NEDD4: variants seen among roughly 807,000 people sequenced by gnomAD.
NEDD4 encodes the protein E3 ubiquitin-protein ligase NEDD4.
NEDD4 carries 99 observed loss-of-function variants against 144.9 expected under a neutral mutation model. The ratio of observed to expected loss-of-function variants is 0.68; its 90% CI spans 0.58 to 0.81. The LOEUF (loss-of-function observed/expected upper bound fraction) is 0.81. NEDD4 is among the 30% of genes least tolerant of loss of function. NEDD4 has a pLI of 0.00. For synonymous variants in NEDD4, 318 were observed against 350.6 expected (o/e 0.91, Z 1.04); for missense variants, 985 against 1,065.9 (o/e 0.92, Z 1.06).
intron 1 of NEDD4, among the ~76,000 whole-genome samples, chr15:55,983,767 T>C (rs1566978405): frequency 2.6e-5 from 4 of 151,962 alleles, no homozygotes; most frequent in African/African-American, 7.3e-5. Context: ...TATGCTACCA[T>C]GCCTGGCTAA....
intron 5 of NEDD4, among the ~76,000 whole-genome samples, chr15:55,881,241 C>T (rs1444077413): frequency 2.0e-5 from 3 of 151,348 alleles, no homozygotes; most frequent in African/African-American, 7.3e-5. Flanking sequence ...TCCCGGGTTC[C>T]GGCAATTCTC....
At chr15:55,949,767 C>A (rs772081456) in intron 4 of NEDD4, among the ~76,000 whole-genome samples, 89 of 151,676 alleles carry the variant, frequency 5.9e-4, no homozygotes, top group Non-Finnish European at 8.7e-4. Flanking sequence ...CACTTGGACA[C>A]AGGAAGGGGT....
rs2032782944 is a variant in NEDD4 at position 55,828,263 on chromosome 15, G to C, written c.*1634C>G. The C allele has an allele frequency of 6.6e-6, 1 of 151,910 alleles. No individual in the cohort carries two copies. 9.4% of individuals were successfully genotyped at this position (151,910 alleles called of 1,614,324 possible). ...CAACAAACTTAAACCAAGAACCAGA[G>C]GTACTTTTTACAGTTCTCACAGGGT... On this transcript the variant is annotated 3_prime_UTR_variant, in exon 29 of 29. Coordinates refer to ENST00000435532, the MANE Select transcript of NEDD4 (RefSeq NM_006154.4).
intron 4 of NEDD4, among the ~76,000 whole-genome samples, chr15:55,933,517 T>G (rs1182175995): frequency 8.7e-5 from 8 of 91,612 alleles, no homozygotes; most frequent in Admixed American, 6.6e-4. Flanking sequence ...CATCACACAC[T>G]GGGGCCTGTC....
At chr15:55,861,414 G>A (rs1257802012) in intron 9 of NEDD4, among the ~76,000 whole-genome samples, 1 of 152,074 alleles carries the variant, frequency 6.6e-6, no homozygotes, top group African/African-American at 2.4e-5. Context: ...CAATAAATCA[G>A]ATTGGACGGT....
chr15:55,921,339 C>T (rs1172178283), intron 5 of NEDD4, among the ~76,000 whole-genome samples: 24 of 146,090 alleles, frequency 1.6e-4, no homozygotes, highest in Admixed American at 8.8e-4. Context: ...TTTTTTTTTT[C>T]GCCGAGACGG....
intron 5 of NEDD4, among the ~76,000 whole-genome samples, chr15:55,904,526 G>C (rs879441729): frequency 1.3e-5 from 2 of 152,016 alleles, no homozygotes; most frequent in Non-Finnish European, 2.9e-5. Context: ...CTGTCTCAAA[G>C]TCCTGACCTC....
intron 5 of NEDD4, among the ~76,000 whole-genome samples, chr15:55,907,260 C>A (rs1423712812): frequency 1.3e-5 from 2 of 151,870 alleles, no homozygotes; most frequent in Non-Finnish European, 2.9e-5. Context: ...CTTTGGCTAA[C>A]AGGAATTCTA....
intron 5 of NEDD4, chr15:55,916,522 T>C (rs761825528): frequency 1.9e-6 from 3 of 1,613,950 alleles, no homozygotes; most frequent in African/African-American, 2.7e-5. Context: ...GCTAAGACAT[T>C]GCTAGACTGA....
At chr15:55,918,674 T>C (rs2036511874) in intron 5 of NEDD4, among the ~76,000 whole-genome samples, 1 of 152,194 alleles carries the variant, frequency 6.6e-6, no homozygotes, top group South Asian at 2.1e-4. Context: ...AACAGAATTA[T>C]GGGAATTCAT....
intron 13 of NEDD4, among the ~76,000 whole-genome samples, chr15:55,851,528 G>A (rs1385128646): frequency 6.6e-6 from 1 of 151,708 alleles, no homozygotes; most frequent in Non-Finnish European, 1.5e-5. Context: ...CCAGGCTGGA[G>A]TGCAATGGCA....
intron 4 of NEDD4, among the ~76,000 whole-genome samples, chr15:55,949,334 T>C (rs1453370145): frequency 3.3e-4 from 50 of 152,218 alleles, no homozygotes; most frequent in African/African-American, 4.8e-5. Flanking sequence ...GAAATAGGAA[T>C]ACTTTTACAC....
intron 14 of NEDD4, 64 bp downstream of exon 14, chr15:55,850,478 A>G: frequency 6.8e-7 from 1 of 1,474,492 alleles, no homozygotes; most frequent in Non-Finnish European, 9.4e-7. Context: ...AAAGATTTTA[A>G]GGAACTATAC....
intron 5 of NEDD4, among the ~76,000 whole-genome samples, chr15:55,890,793 T>C (rs532282771): frequency 6.6e-6 from 1 of 152,342 alleles, no homozygotes; most frequent in Non-Finnish European, 1.5e-5. Context: ...ATTCCTCCCC[T>C]TTCTTACCAA....
intron 8 of NEDD4, among the ~76,000 whole-genome samples, chr15:55,865,552 T>TAAAAAA (rs34895974): frequency 4.0e-4 from 60 of 149,144 alleles, no homozygotes; most frequent in African/African-American, 1.5e-3. Context: ...TAAATAACAT[T>TAAAAAA]AAAAAAAAAA....
At chr15:55,905,092 C>CAAA (rs59917604) in intron 5 of NEDD4, 229 of 245,348 alleles carry the variant, frequency 9.3e-4, no homozygotes, top group South Asian at 2.1e-3. Flanking sequence ...AATTCCGTCT[C>CAAA]AAAAAAAAAA....
intron 5 of NEDD4, among the ~76,000 whole-genome samples, chr15:55,903,334 A>G (rs747682970): frequency 3.3e-5 from 5 of 152,210 alleles, no homozygotes; most frequent in Non-Finnish European, 7.4e-5. Flanking sequence ...TTTAAAATAC[A>G]TAATGGAGTT....
At chr15:55,870,521 T>C (rs2034747983) in intron 7 of NEDD4, among the ~76,000 whole-genome samples, 1 of 75,164 alleles carries the variant, frequency 1.3e-5, no homozygotes, top group Non-Finnish European at 2.7e-5. Flanking sequence ...TTTCTTCTTC[T>C]TCTTCTTCTT....
chr15:55,841,682 C>T (rs1310715489), intron 19 of NEDD4, among the ~76,000 whole-genome samples: 2 of 152,106 alleles, frequency 1.3e-5, no homozygotes, highest in Admixed American at 6.5e-5. Context: ...CGCCATTCTC[C>T]TGCCTCAGCC....
Sources: allele counts gnomAD v4.1 joint callset (sites outside exome capture counted in the v4.1 genomes callset), GRCh38; gene constraint gnomAD v4.1.1; transcripts MANE v1.5; gene names NCBI Gene and HGNC (gene_info 2026-07-23, HGNC 2026-07-21).